ODAD2: variants seen among roughly 807,000 people sequenced by gnomAD.
ODAD2 encodes outer dynein arm-docking complex subunit 2.
A neutral mutation model predicts 106.8 loss-of-function variants in ODAD2; 89 were observed. The ratio of observed to expected loss-of-function variants is 0.83; its 90% CI spans 0.70 to 0.99. ODAD2 has a LOEUF of 0.99. ODAD2 is among the 50% of genes least tolerant of loss of function. The probability of loss-of-function intolerance (pLI) is 0.00; values close to 1 mark genes in which losing one functional copy is unlikely to be tolerated. For missense variants in ODAD2, 1,168 were observed against 1,238.5 expected (o/e 0.94, Z 0.85); for synonymous variants, 404 against 436.2 (o/e 0.93, Z 0.92).
intron 17 of ODAD2, among the ~76,000 whole-genome samples, chr10:27,906,905 C>T (rs1428401052): frequency 1.3e-5 from 2 of 152,028 alleles, no homozygotes; most frequent in African/African-American, 4.8e-5. Flanking sequence ...GGAGAAATAC[C>T]TAATGTAGAT....
At chr10:27,894,583 G>T (rs983095196) in intron 17 of ODAD2, among the ~76,000 whole-genome samples, 1 of 152,036 alleles carries the variant, frequency 6.6e-6, no homozygotes, top group Non-Finnish European at 1.5e-5. Context: ...AGGCTTAAAA[G>T]AAATTTTTTT....
intron 17 of ODAD2, among the ~76,000 whole-genome samples, chr10:27,885,723 A>T (rs1321584562): frequency 2.7e-5 from 1 of 37,712 alleles, no homozygotes; most frequent in African/African-American, 7.9e-5. Flanking sequence ...ATTATATATT[A>T]TATATAAAAT....
At chr10:27,953,249 A>G (rs2132730050) in intron 10 of ODAD2, among the ~76,000 whole-genome samples, 1 of 152,332 alleles carries the variant, frequency 6.6e-6, no homozygotes, top group South Asian at 2.1e-4. Flanking sequence ...TGTACAGCAG[A>G]TATCTGGAAC....
chr10:27,928,721 G>C (rs1170178923), intron 16 of ODAD2, among the ~76,000 whole-genome samples: 1 of 151,620 alleles, frequency 6.6e-6, no homozygotes, highest in East Asian at 1.9e-4. Flanking sequence ...TACATACTAT[G>C]CAATCTGACT....
At chr10:27,870,107 T>C (rs564473415) in intron 17 of ODAD2, among the ~76,000 whole-genome samples, 31 of 152,248 alleles carry the variant, frequency 2.0e-4, no homozygotes, top group African/African-American at 7.0e-4. Context: ...CCAAAAAGTC[T>C]AGAAGGACAT....
rs911030716 is a variant in ODAD2 at position 27,958,932 on chromosome 10, A to G, written c.1386+2636T>C. The G allele has an allele frequency of 2.6e-5, 34 of 1,303,614 alleles. No individual in the cohort carries two copies. The Admixed American group carries it at 2.8e-4, about 11-fold the overall frequency. 80.8% of individuals were successfully genotyped at this position (1,303,614 alleles called of 1,614,324 possible). A position where few individuals can be genotyped will look rare whatever the true frequency, so the allele number is the denominator to read the frequency against. ...AATTACTCTGGTATTCTGCTTCCTG[A>G]TCCATCTTTTGTTTCTGCCATTTTG... On this transcript the variant is annotated intron_variant, in intron 10 of 19. Transcript: ENST00000305242.
At chr10:27,958,448 C>T (rs979611556) in intron 10 of ODAD2, among the ~76,000 whole-genome samples, 1 of 152,166 alleles carries the variant, frequency 6.6e-6, no homozygotes, top group African/African-American at 2.4e-5. Flanking sequence ...CCATTAAATC[C>T]TAAGGGAGAA....
intron 19 of ODAD2, among the ~76,000 whole-genome samples, chr10:27,846,047 T>C (rs901806956): frequency 2.8e-4 from 42 of 152,148 alleles, no homozygotes; most frequent in Non-Finnish European, 4.6e-4. Context: ...ATCCAGGAAT[T>C]GAACTCAGCT....
At chr10:27,891,539 A>T (rs1294299080) in intron 17 of ODAD2, among the ~76,000 whole-genome samples, 1 of 152,156 alleles carries the variant, frequency 6.6e-6, no homozygotes, top group African/African-American at 2.4e-5. Context: ...CTTATTATAC[A>T]TTCAGAGTAT....
At chr10:27,837,467 T>C (rs913394269) in intron 19 of ODAD2, among the ~76,000 whole-genome samples, 1 of 152,206 alleles carries the variant, frequency 6.6e-6, no homozygotes, top group Non-Finnish European at 1.5e-5. Flanking sequence ...TTGATCAGGT[T>C]TCCACAATCA....
intron 19 of ODAD2, among the ~76,000 whole-genome samples, chr10:27,850,353 G>A (rs1168319610): frequency 6.6e-6 from 1 of 150,750 alleles, no homozygotes; most frequent in Non-Finnish European, 1.5e-5. Context: ...GCTGAGGCAG[G>A]AGAATGGCGT....
intron 3 of ODAD2, 88 bp from the exon 4 acceptor site, chr10:27,985,299 G>A: frequency 9.3e-7 from 1 of 1,080,000 alleles, no homozygotes; most frequent in Non-Finnish European, 1.3e-6. Context: ...ATCCTTCAAA[G>A]TCCATTCAGA....
At chr10:27,862,266 A>C (rs576789314) in intron 18 of ODAD2, among the ~76,000 whole-genome samples, 168 bp downstream of exon 18, 1 of 152,228 alleles carries the variant, frequency 6.6e-6, no homozygotes, top group Non-Finnish European at 1.5e-5. Flanking sequence ...ACGCTTTCAC[A>C]TATATTAGTC....
intron 19 of ODAD2, among the ~76,000 whole-genome samples, chr10:27,843,503 C>T (rs769582792): frequency 2.0e-5 from 3 of 152,272 alleles, no homozygotes; most frequent in Non-Finnish European, 2.9e-5. Flanking sequence ...TGGTGGCTCA[C>T]GCCTGTAATT....
Position 27,864,132 on chromosome 10 carries a change from G to GT in ODAD2, c.2611-1511dup. Among the ~76,000 whole-genome samples the GT allele has an allele frequency of 2.0e-5, 3 of 152,000 alleles. No individual in the cohort carries two copies. In the South Asian group the frequency reaches 6.3e-4, roughly 32 times the overall value. ...ATTTCGCTAGACCACATGGGAAGTG[G>GT]TGATGGTTTGGGGGAGGGTGGTGGT... On this transcript the variant is annotated intron_variant, in intron 17 of 19. Coordinates refer to ENST00000305242, the MANE Select transcript of ODAD2 (RefSeq NM_018076.5).
intron 14 of ODAD2, among the ~76,000 whole-genome samples, chr10:27,938,209 G>C (rs1846132718): frequency 6.6e-6 from 1 of 152,146 alleles, no homozygotes; most frequent in Admixed American, 6.5e-5. Flanking sequence ...AAAATGCTGG[G>C]ATTATAGGCT....
intron 2 of ODAD2, among the ~76,000 whole-genome samples, chr10:27,993,247 TA>T (rs1488268891): frequency 6.6e-6 from 1 of 152,192 alleles, no homozygotes; most frequent in Non-Finnish European, 1.5e-5. Context: ...TTGTTTTACG[TA>T]GGAGATCATA....
chr10:27,988,116 T>A (rs1206218383), intron 2 of ODAD2, among the ~76,000 whole-genome samples: 1 of 151,718 alleles, frequency 6.6e-6, no homozygotes, highest in African/African-American at 2.4e-5. Flanking sequence ...TTTTTCTAAA[T>A]GGATTCTTCC....
chr10:27,898,979 G>C (rs1013577295), intron 17 of ODAD2, among the ~76,000 whole-genome samples: 5 of 151,918 alleles, frequency 3.3e-5, no homozygotes, highest in African/African-American at 1.2e-4. Flanking sequence ...ATTTATTGTA[G>C]AACTATCCTT....
Sources: allele counts gnomAD v4.1 joint callset (sites outside exome capture counted in the v4.1 genomes callset), GRCh38; gene constraint gnomAD v4.1.1; transcripts MANE v1.5; gene names NCBI Gene and HGNC (gene_info 2026-07-23, HGNC 2026-07-21).